Variants in KLHL33 observed in about 807,000 individuals in gnomAD.
The protein encoded by KLHL33 is kelch like family member 33, also known as kelch-like protein 33.
A neutral mutation model predicts 60.8 loss-of-function variants in KLHL33; 46 were observed. The ratio of observed to expected loss-of-function variants is 0.76; its 90% confidence interval spans 0.60 to 0.97. The LOEUF (loss-of-function observed/expected upper bound fraction) is 0.97. KLHL33 is among the 50% of genes least tolerant of loss of function. The pLI is 0.00. For missense variants in KLHL33, 1,055 were observed against 1,000.0 expected, an observed-to-expected ratio of 1.05 and a Z score of -0.74; for synonymous variants, 434 against 432.2, an observed-to-expected ratio of 1.00 and a Z score of -0.05.
At position 20,434,541 on chromosome 14, in the gene KLHL33, A is replaced by AG. The variant is rs1880620533; in HGVS notation, c.748+522dup. Among the ~76,000 whole-genome samples, 2 of 91,872 alleles carry AG rather than the reference A, an allele frequency of 2.2e-5. 1 individual carries two copies. The highest frequency in any genetic ancestry group is 8.5e-4 in the South Asian group (2 of 2,360). 60.3% of individuals were successfully genotyped at this position (91,872 alleles called of 152,430 possible). On this transcript the variant is annotated intron_variant, in intron 2 of 4. Transcript: ENST00000636854. The stretch of plus-strand genomic sequence containing the variant: ...GGGCAACAGAGTGAGATGCTGTCTC[A>AG]GAAAAAAAAAAAAAAAGTGCCACGG...
At position 20,430,105 on chromosome 14, in the gene KLHL33, G is replaced by A; in HGVS notation, c.1363C>T (p.Gln455Ter). Residue 455 changes from glutamine (Q) to a stop codon, truncating the protein, a stop_gained, in exon 3 of 5, where the codon CAG becomes TAG. Coordinates refer to ENST00000636854, the MANE Select transcript of KLHL33 (RefSeq NM_001365790.2). LOFTEE classifies it high-confidence loss of function. ...GGAACATCAGCCTCTACCATCAGCT[G>A]GTGCAACAGATCTGGGGTCAGGGGT... ...LPPLTPDLLH[Q>*]LMVEADVPGQ... 6.4e-7 allele frequency: 1 copy of A among 1,551,694 alleles called. No homozygotes were observed.
rs1566499503 is a variant in KLHL33 at position 20,429,825 on chromosome 14, C to T, written c.1643G>A (p.Ser548Asn). The T allele has an allele frequency of 2.6e-6, 4 of 1,546,194 alleles. No homozygotes were observed. Among genetic ancestry groups the T allele is most frequent in the Non-Finnish European group, 3.5e-6 (4 of 1,143,794 alleles). ...LYVCGGQDFY[S>N]HSNTLASTLR... ...AGTTGAAGCCAGGGTGTTGGAGTGACTGTAGAAATCTTGTCCCCCACACAC... is the reference window on the plus strand; with the variant it reads ...AGTTGAAGCCAGGGTGTTGGAGTGATTGTAGAAATCTTGTCCCCCACACAC... The change falls in exon 3 of 5, where the codon AGT becomes AAT. Residue 548 changes from serine to asparagine, a missense_variant. Coordinates refer to ENST00000636854, the MANE Select transcript of KLHL33 (RefSeq NM_001365790.2).
chr14:20,431,917 G>A (rs1287153645), intron 2 of KLHL33, among the ~76,000 whole-genome samples: 1 of 152,110 alleles, frequency 6.6e-6, no homozygotes, highest in South Asian at 2.1e-4. Flanking sequence ...CAATGAAACT[G>A]TCCTATTAAC....
chr14:20,430,128 G>T lies in KLHL33; in HGVS notation c.1340C>A (p.Pro447His), dbSNP rs1212553894. 1 of 1,551,624 alleles carries T rather than the reference G, an allele frequency of 6.4e-7. No homozygotes were observed. Among genetic ancestry groups the T allele is most frequent in the East Asian group, 2.4e-5 (1 of 40,918 alleles). ...CTGGTGCAACAGATCTGGGGTCAGG[G>T]GTGGAAGTAGCCCGGCTGCCCGCAC... ...RRVRAAGLLPPLTPDLLHQLM... is the reference protein window; with the variant it reads ...RRVRAAGLLPHLTPDLLHQLM... Residue 447 changes from proline to histidine, a missense_variant, in exon 3 of 5, where the codon CCC becomes CAC. Transcript: ENST00000636854.
At chr14:20,430,811 TC>T in intron 2 of KLHL33, 92 bp from the exon 3 acceptor site, 4 of 970,452 alleles carry the variant, frequency 4.1e-6, no homozygotes, top group Non-Finnish European at 5.9e-6. Flanking sequence ...TTGGCCAAAC[TC>T]TAAGTTTGGC....
In KLHL33 at chr14:20,428,669, T is replaced by C. The variant is rs7154662; in HGVS notation, c.*180A>G. Reference sequence around the variant, plus strand: ...CTCCCCTTTCCCTATATGTTTTCCCTAGGAGTTCTGGAACCACCATTTCCT... The same window carrying C: ...CTCCCCTTTCCCTATATGTTTTCCCCAGGAGTTCTGGAACCACCATTTCCT... On this transcript the variant is annotated 3_prime_UTR_variant, in exon 5 of 5. Coordinates refer to ENST00000636854, the MANE Select transcript of KLHL33 (RefSeq NM_001365790.2). 0.61 allele frequency: 381,054 copies of C among 625,834 alleles called. 117,385 individuals carry two copies. The highest frequency in any genetic ancestry group is 0.75 in the African/African-American group (40,479 of 54,316). 38.8% of individuals were successfully genotyped at this position (625,834 alleles called of 1,614,324 possible).
At chr14:20,430,832 C>T (rs1281841387) in intron 2 of KLHL33, 113 bp from the exon 3 acceptor site, 10 of 591,234 alleles carry the variant, frequency 1.7e-5, no homozygotes, top group Non-Finnish European at 8.4e-6. Context: ...CCCTCCAAGC[C>T]ACCCACTGCT....
Position 20,429,356 on chromosome 14 carries a change from C to T in KLHL33, c.1887G>A (p.Ala629=), listed in dbSNP as rs1025003541. The T allele has an allele frequency of 2.7e-5, 42 of 1,551,650 alleles. No individual in the cohort carries two copies. Among genetic ancestry groups the T allele is most frequent in the African/African-American group, 2.3e-4 (17 of 73,054 alleles). ...LPAPCFAHAA[A]ILEGQLYVSG... ...TCACGTACAACTGGCCCTCCAAAAT[C>T]GCAGCTGCGTGGGCAAAACATGGTG... Residue 629 remains alanine, a synonymous_variant, in exon 5 of 5, where the codon GCG becomes GCA. Coordinates refer to ENST00000636854, the MANE Select transcript of KLHL33 (RefSeq NM_001365790.2).
chr14:20,429,950 C>T lies in KLHL33; in HGVS notation c.1518G>A (p.Val506=), dbSNP rs1029735460. 21 of 1,551,742 alleles carry T rather than the reference C, an allele frequency of 1.4e-5. No homozygotes were observed. Among genetic ancestry groups the T allele is most frequent in the Non-Finnish European group, 1.6e-5 (18 of 1,147,018 alleles). Residue 506 remains valine (V), a synonymous_variant, in exon 3 of 5, where the codon GTG becomes GTA. Coordinates refer to ENST00000636854, the MANE Select transcript of KLHL33 (RefSeq NM_001365790.2). Reference sequence around the variant, plus strand: ...CCCACTCAACAGTTCGTACCAGTCCCACGCCACAGCGGAAGGCCCGGGCCC... The same window carrying T: ...CCCACTCAACAGTTCGTACCAGTCCTACGCCACAGCGGAAGGCCCGGGCCC... The part of the protein sequence containing the change: ...VWWARAFRCG[V]GLVRTVEWGQ...
chr14:20,434,859 ATC>A (rs995263592), intron 2 of KLHL33, among the ~76,000 whole-genome samples: 1 of 152,156 alleles, frequency 6.6e-6, no homozygotes, highest in African/African-American at 2.4e-5. Flanking sequence ...GTCAGTTTAA[ATC>A]TGTCAGAGCG....
chr14:20,427,130 A>G lies in KLHL33; in HGVS notation c.*1719T>C, dbSNP rs1404474532. ...GCACACCAGCATGGCACATGTATAC[A>G]TATGTAACTAACCTGCACATTGGGC... On this transcript the variant is annotated 3_prime_UTR_variant, in exon 5 of 5. Coordinates refer to ENST00000636854, the MANE Select transcript of KLHL33 (RefSeq NM_001365790.2). 6.6e-6 allele frequency: 1 copy of G among 151,532 alleles called. No individual in the cohort carries two copies. The highest frequency in any genetic ancestry group is 1.5e-5 in the Non-Finnish European group (1 of 67,910). The allele number at this position is 151,532 out of a possible 1,614,324, so 9.4% of individuals were successfully genotyped here. A position where few individuals can be genotyped will look rare whatever the true frequency, so the allele number is the denominator to read the frequency against.
At chr14:20,431,599 G>A (rs995032674) in intron 2 of KLHL33, among the ~76,000 whole-genome samples, 39 of 152,234 alleles carry the variant, frequency 2.6e-4, no homozygotes, top group African/African-American at 8.9e-4. Context: ...ATGGTGGCAG[G>A]CGCCTGTAAT....
rs2139276154 is a variant in KLHL33, at chr14:20,435,300, C to T, written c.512G>A (p.Gly171Glu). ...CCCCTGCGAGGCGGGGCCCAGCACCCCCTCATAGGCAAAGGTCAGCACGGC... is the reference window on the plus strand; with the variant it reads ...CCCCTGCGAGGCGGGGCCCAGCACCTCCTCATAGGCAAAGGTCAGCACGGC... The part of the protein sequence containing the change: ...WEAVLTFAYE[G>E]VLGPASQGDV... Residue 171 changes from glycine to glutamate, a missense_variant, in exon 2 of 5, where the codon GGG becomes GAG. Coordinates refer to ENST00000636854, the MANE Select transcript of KLHL33 (RefSeq NM_001365790.2). The T allele has an allele frequency of 1.6e-6, 2 of 1,234,424 alleles. No individual in the cohort carries two copies. Among genetic ancestry groups the T allele is most frequent in the Admixed American group, 8.4e-5 (2 of 23,742 alleles). The allele number at this position is 1,234,424 out of a possible 1,614,324, so 76.5% of individuals were successfully genotyped here.
At position 20,428,902 on chromosome 14, in the gene KLHL33, C is replaced by A. The variant is rs1009432349; in HGVS notation, c.2341G>T (p.Val781Leu). ...MPACILTLPAVQHIALVPTPH... is the reference protein window; with the variant it reads ...MPACILTLPALQHIALVPTPH... ...GTGGGAACCAAAGCTATGTGCTGCA[C>A]AGCGGGCAGTGTCAGGATGCAGGCA... Residue 781 changes from valine to leucine, a missense_variant, in exon 5 of 5, where the codon GTG becomes TTG. Transcript: ENST00000636854. 2.6e-6 allele frequency: 4 copies of A among 1,551,750 alleles called. No individual in the cohort carries two copies. Among genetic ancestry groups the A allele is most frequent in the Non-Finnish European group, 3.5e-6 (4 of 1,147,006 alleles).
chr14:20,434,871 G>T (rs570620670), intron 2 of KLHL33, among the ~76,000 whole-genome samples, 193 bp downstream of exon 2: 3 of 152,286 alleles, frequency 2.0e-5, no homozygotes, highest in Admixed American at 1.3e-4. Flanking sequence ...CTGTCAGAGC[G>T]CCTAGAAAAC....
At chr14:20,432,984 A>AAGAAAGAAAGAAAGAAAGAAAGAG (rs1016426715) in intron 2 of KLHL33, among the ~76,000 whole-genome samples, 1 of 151,492 alleles carries the variant, frequency 6.6e-6, no homozygotes, top group Non-Finnish European at 1.5e-5. Flanking sequence ...GAAAGAAAGA[A>AAGAAAGAAAGAAAGAAAGAAAGAG]AGAGAGAAAT....
At chr14:20,432,675 A>T (rs980318733) in intron 2 of KLHL33, among the ~76,000 whole-genome samples, 2 of 151,860 alleles carry the variant, frequency 1.3e-5, no homozygotes, top group Non-Finnish European at 2.9e-5. Flanking sequence ...TAAACCCAGC[A>T]TTTTGGGAGG....
At chr14:20,432,985 A>AGAAAG (rs1555330536) in intron 2 of KLHL33, among the ~76,000 whole-genome samples, 1 of 151,824 alleles carries the variant, frequency 6.6e-6, no homozygotes, top group Non-Finnish European at 1.5e-5. Context: ...AAAGAAAGAA[A>AGAAAG]GAGAGAAATT....
At position 20,429,898 on chromosome 14, in the gene KLHL33, C is replaced by CG; in HGVS notation, c.1569dup (p.Gly524ArgfsTer14). ...CTTGCAGCCCCATGCCGGAAGCGTC[C>CG]GGGGGCAGGCAGGGCAGGCAGCTGC... On this transcript the variant is annotated frameshift_variant, in exon 3 of 5. Transcript: ENST00000636854. LOFTEE classifies it high-confidence loss of function. 7.7e-6 allele frequency: 12 copies of CG among 1,551,906 alleles called. No homozygotes were observed. The highest frequency in any genetic ancestry group is 1.0e-5 in the Non-Finnish European group (12 of 1,147,050).
Sources: allele counts gnomAD v4.1 joint callset (sites outside exome capture counted in the v4.1 genomes callset), GRCh38; gene constraint gnomAD v4.1.1; transcripts MANE v1.5; gene names NCBI Gene and HGNC (gene_info 2026-07-23, HGNC 2026-07-21).